The following ITPR1 variants were observed in gnomAD, a reference collection of about 807,000 sequenced individuals.
ITPR1 encodes the protein inositol 1,4,5-trisphosphate receptor type 1.
In ITPR1, 96 loss-of-function variants were observed where a neutral mutation model predicts 318.4. That is an observed-to-expected ratio of 0.30 (90% confidence interval 0.26 to 0.36). The LOEUF (loss-of-function observed/expected upper bound fraction) is 0.36. ITPR1 is among the 10% of genes least tolerant of loss of function. ITPR1 has a pLI of 1.00. For missense variants in ITPR1, 2,440 were observed against 3,460.2 expected (o/e 0.71, Z 7.40); for synonymous variants, 1,312 against 1,289.9 (o/e 1.02, Z -0.37).
chr3:4,764,174 A>AT (rs111406873), intron 44 of ITPR1, among the ~76,000 whole-genome samples: 1 of 143,442 alleles, frequency 7.0e-6, no homozygotes, highest in Non-Finnish European at 1.5e-5. Flanking sequence ...TGCCCCCATG[A>AT]TTTTTTTGTC....
chr3:4,634,701 C>T (rs1211465787), intron 5 of ITPR1, among the ~76,000 whole-genome samples: 1 of 152,302 alleles, frequency 6.6e-6, no homozygotes, highest in African/African-American at 2.4e-5. Context: ...CCCTACTCTC[C>T]TACCCCCTAT....
At chr3:4,720,301 C>A (rs2042057805) in intron 40 of ITPR1, among the ~76,000 whole-genome samples, 1 of 152,144 alleles carries the variant, frequency 6.6e-6, no homozygotes, top group South Asian at 2.1e-4. Flanking sequence ...AGGAGAAGCT[C>A]ATGGAATCCG....
intron 4 of ITPR1, among the ~76,000 whole-genome samples, chr3:4,574,931 G>C (rs907281473): frequency 7.9e-5 from 12 of 152,236 alleles, no homozygotes; most frequent in African/African-American, 2.9e-4. Context: ...GAGATTCAAA[G>C]ATGATTGCAA....
chr3:4,712,969 G>GAGTTTAT (rs960777120), intron 39 of ITPR1, among the ~76,000 whole-genome samples: 3 of 152,154 alleles, frequency 2.0e-5, no homozygotes, highest in African/African-American at 7.2e-5. Context: ...TGCCAGACAA[G>GAGTTTAT]AGTTTATAAA....
chr3:4,618,309 A>G (rs1428101921), intron 4 of ITPR1, among the ~76,000 whole-genome samples: 3 of 152,190 alleles, frequency 2.0e-5, no homozygotes, highest in Non-Finnish European at 4.4e-5. Flanking sequence ...AAATATTTTA[A>G]CATTTTCTTC....
chr3:4,700,015 G>A, intron 35 of ITPR1, 74 bp downstream of exon 35: 3 of 1,349,894 alleles, frequency 2.2e-6, no homozygotes, highest in Non-Finnish European at 3.1e-6. Context: ...GAATTTGGGA[G>A]TAAGCAATTG....
At chr3:4,672,824 C>G in intron 20 of ITPR1, among the ~76,000 whole-genome samples, 1 of 152,156 alleles carries the variant, frequency 6.6e-6, no homozygotes, top group East Asian at 1.9e-4. Flanking sequence ...GCATTCCCCC[C>G]GTTTATTTTA....
intron 60 of ITPR1, among the ~76,000 whole-genome samples, chr3:4,818,625 A>G (rs771797081): frequency 2.0e-5 from 3 of 152,068 alleles, no homozygotes; most frequent in Admixed American, 1.3e-4. Flanking sequence ...CCTACTCTCT[A>G]AGAGGTGTCT....
At chr3:4,608,178 G>A (rs2091835772) in intron 4 of ITPR1, among the ~76,000 whole-genome samples, 1 of 152,124 alleles carries the variant, frequency 6.6e-6, no homozygotes, top group Non-Finnish European at 1.5e-5. Context: ...TTTTGCAAAA[G>A]CAGTTTTACC....
Position 4,836,763 on chromosome 3 carries a change from G to A in ITPR1, c.8029-11G>A. The A allele has an allele frequency of 2.7e-6, 2 of 732,228 alleles. No homozygotes were observed. The highest frequency in any genetic ancestry group is 3.6e-6 in the Non-Finnish European group (2 of 550,636). The allele number at this position is 732,228 out of a possible 1,614,324, so 45.4% of individuals were successfully genotyped here. The stretch of plus-strand genomic sequence containing the variant: ...TTTTTTTTTTTTTTTTTTTTTTAAT[G>A]TGGATTCTAGGAAAGAAACCTTGAC... On this transcript the variant is annotated splice_polypyrimidine_tract_variant and intron_variant, in intron 60 of 61. Coordinates refer to ENST00000649015, the MANE Select transcript of ITPR1 (RefSeq NM_001378452.1).
At chr3:4,591,093 T>A (rs1361327067) in intron 4 of ITPR1, among the ~76,000 whole-genome samples, 1 of 152,252 alleles carries the variant, frequency 6.6e-6, no homozygotes, top group Non-Finnish European at 1.5e-5. Context: ...TTCCATGGTG[T>A]AGATTTACTA....
At chr3:4,729,613 A>G (rs2042760933) in intron 42 of ITPR1, among the ~76,000 whole-genome samples, 1 of 152,216 alleles carries the variant, frequency 6.6e-6, no homozygotes. Flanking sequence ...CTTCCCACGC[A>G]GTTCATTCGC....
chr3:4,735,851 T>C (rs1222022722), intron 44 of ITPR1, among the ~76,000 whole-genome samples: 11 of 152,246 alleles, frequency 7.2e-5, no homozygotes, highest in Admixed American at 7.2e-4. Flanking sequence ...CCAAATCAAT[T>C]TGAAATACTA....
At chr3:4,596,289 T>G in intron 4 of ITPR1, 1 of 152,202 alleles carries the variant, frequency 6.6e-6, no homozygotes, top group Admixed American at 6.5e-5. Flanking sequence ...CAAGGCTTTT[T>G]ACCATAAGAT....
At chr3:4,824,274 G>A (rs1008919932) in intron 60 of ITPR1, among the ~76,000 whole-genome samples, 3 of 152,114 alleles carry the variant, frequency 2.0e-5, no homozygotes, top group Admixed American at 6.5e-5. Context: ...ATCAGTGTGC[G>A]GAAAATAAAC....
rs1010206324 is a variant in ITPR1, at chr3:4,754,053, G to GT, written c.5545-12477_5545-12476insT. Among the ~76,000 whole-genome samples the GT allele has an allele frequency of 4.6e-4, 68 of 146,668 alleles. 2 individuals are homozygous for GT. Among genetic ancestry groups the GT allele is most frequent in the African/African-American group, 1.7e-3 (67 of 39,626 alleles). On this transcript the variant is annotated intron_variant, in intron 44 of 61. Transcript: ENST00000649015. ...GACTGCACAAACACAGAAAATGGGG[G>GT]GGGGGTGGCAAGGATTATTCTTGGC...
intron 40 of ITPR1, 56 bp downstream of exon 40, chr3:4,717,455 C>A (rs1230705353): frequency 3.2e-5 from 44 of 1,357,740 alleles, no homozygotes; most frequent in Admixed American, 6.7e-5. Context: ...TTCCGTGACA[C>A]CTTCCCAGTT....
At chr3:4,716,750 C>G (rs567523607) in intron 39 of ITPR1, among the ~76,000 whole-genome samples, 1 of 152,278 alleles carries the variant, frequency 6.6e-6, no homozygotes, top group Admixed American at 6.5e-5. Flanking sequence ...TTCTCTTGTG[C>G]TTTTGTTTTT....
At chr3:4,533,420 T>G (rs924465914) in intron 4 of ITPR1, among the ~76,000 whole-genome samples, 1 of 152,166 alleles carries the variant, frequency 6.6e-6, no homozygotes. Context: ...TATGCCTTAG[T>G]TTCCCCACCT....
Sources: gnomAD v4.1 joint callset for allele counts (sites outside exome capture counted in the v4.1 genomes callset) on GRCh38, gnomAD v4.1.1 for gene constraint, MANE v1.5 for transcripts, NCBI Gene and HGNC (gene_info 2026-07-23, HGNC 2026-07-21) for gene names.